Variants in DST observed in about 807,000 individuals in gnomAD.
DST encodes bullous pemphigoid antigen.
DST carries 253 observed loss-of-function variants against 875.2 expected under a neutral mutation model. The observed-to-expected ratio is 0.29, with a 90% CI of 0.26 to 0.32. The LOEUF (loss-of-function observed/expected upper bound fraction) is 0.32, where lower values mean the gene tolerates loss of function less well. Among genes scored for constraint, DST ranks in the 10% least tolerant of loss-of-function variants. The probability of loss-of-function intolerance (pLI) is 1.00; values close to 1 mark genes in which losing one functional copy is unlikely to be tolerated. For missense variants in DST, 8,287 were observed against 9,111.6 expected (o/e 0.91, Z 3.68); for synonymous variants, 3,124 against 3,197.1 (o/e 0.98, Z 0.77).
chr6:56,935,189 C>T (rs1812386310), intron 2 of DST, among the ~76,000 whole-genome samples: 1 of 152,132 alleles, frequency 6.6e-6, no homozygotes, highest in Non-Finnish European at 1.5e-5. Context: ...AATTTTATCT[C>T]CCACCCAGAA....
intron 10 of DST, among the ~76,000 whole-genome samples, chr6:56,659,801 A>G (rs949174435): frequency 1.3e-5 from 2 of 152,180 alleles, no homozygotes; most frequent in African/African-American, 2.4e-5. Flanking sequence ...TTAAAATCCA[A>G]TAAGAAAGAT....
intron 2 of DST, among the ~76,000 whole-genome samples, chr6:56,927,454 G>C (rs537389195): frequency 6.6e-6 from 1 of 152,088 alleles, no homozygotes; most frequent in East Asian, 1.9e-4. Context: ...TTCCCTGAAA[G>C]AGAAAAATTA....
chr6:56,619,266 T>C, intron 36 of DST: 1 of 1,613,138 alleles, frequency 6.2e-7, no homozygotes, highest in East Asian at 2.2e-5. Context: ...ATTCTCTGCA[T>C]CATTAATTTG....
intron 2 of DST, among the ~76,000 whole-genome samples, chr6:56,934,447 C>T (rs1811786089): frequency 6.6e-6 from 1 of 151,006 alleles, no homozygotes; most frequent in South Asian, 2.1e-4. Flanking sequence ...TAAATTCCAG[C>T]ACACTGCCTG....
chr6:56,860,362 G>C (rs1180025797), intron 3 of DST, among the ~76,000 whole-genome samples: 1 of 152,116 alleles, frequency 6.6e-6, no homozygotes, highest in African/African-American at 2.4e-5. Context: ...CTGGAGAAGA[G>C]GGGATAAAAC....
chr6:56,551,313 C>G (rs778827178), intron 61 of DST, among the ~76,000 whole-genome samples: 1 of 152,140 alleles, frequency 6.6e-6, no homozygotes, highest in Non-Finnish European at 1.5e-5. Context: ...TCTTTATGCA[C>G]TAATGGTGCA....
chr6:56,620,547 T>G (rs1207119830), intron 36 of DST: 1 of 1,614,066 alleles, frequency 6.2e-7, no homozygotes, highest in South Asian at 1.1e-5. Flanking sequence ...TCCCTGACCT[T>G]CGGAAGTTCT....
intron 10 of DST, among the ~76,000 whole-genome samples, chr6:56,661,345 T>C (rs763334475): frequency 3.9e-5 from 6 of 152,106 alleles, no homozygotes; most frequent in Non-Finnish European, 7.4e-5. Flanking sequence ...AAAAGAAATC[T>C]TCATGTGAGA....
chr6:56,523,654 A>G (rs2096746082), intron 69 of DST, among the ~76,000 whole-genome samples: 1 of 152,186 alleles, frequency 6.6e-6, no homozygotes, highest in Admixed American at 6.6e-5. Flanking sequence ...AACTGGGAAA[A>G]AATATGAAGT....
intron 55 of DST, among the ~76,000 whole-genome samples, chr6:56,562,730 ACCC>A (rs1047757298): frequency 6.6e-6 from 1 of 150,780 alleles, no homozygotes; most frequent in Non-Finnish European, 1.5e-5. Flanking sequence ...AATGCTATCC[ACCC>A]CCCAGGCCCC....
At chr6:56,653,593 G>A (rs1331234212) in intron 10 of DST, among the ~76,000 whole-genome samples, 1 of 152,130 alleles carries the variant, frequency 6.6e-6, no homozygotes, top group Non-Finnish European at 1.5e-5. Flanking sequence ...GCTGAGGCAG[G>A]AGGATCACTT....
chr6:56,558,809 C>T (rs992651247), intron 58 of DST, among the ~76,000 whole-genome samples: 1 of 152,098 alleles, frequency 6.6e-6, no homozygotes, highest in South Asian at 2.1e-4. Context: ...TCCTTATAAT[C>T]CAAACAGGCT....
At chr6:56,918,312 A>T (rs576684961) in intron 2 of DST, among the ~76,000 whole-genome samples, 2 of 152,092 alleles carry the variant, frequency 1.3e-5, no homozygotes, top group Admixed American at 6.5e-5. Flanking sequence ...TTTTTAGTAG[A>T]GACAGGGTTT....
At chr6:56,603,066 C>T in intron 42 of DST, 35 bp from the exon 43 acceptor site, 1 of 1,548,050 alleles carries the variant, frequency 6.5e-7, no homozygotes, top group Non-Finnish European at 8.7e-7. Context: ...GTTATCTTTC[C>T]CCAAAATGTC....
intron 85 of DST, among the ~76,000 whole-genome samples, chr6:56,491,895 G>T (rs1233980546): frequency 6.6e-6 from 1 of 152,052 alleles, no homozygotes; most frequent in Non-Finnish European, 1.5e-5. Context: ...TGAGAACAGA[G>T]GTCAAAAGGA....
chr6:56,506,185 T>C (rs1423916453), intron 77 of DST, among the ~76,000 whole-genome samples: 1 of 152,204 alleles, frequency 6.6e-6, no homozygotes, highest in Non-Finnish European at 1.5e-5. Context: ...ATCAAAATAT[T>C]TCTTTTCAAA....
Position 56,604,680 on chromosome 6 carries a change from A to C in DST, c.9948T>G (p.Ile3316Met), listed in dbSNP as rs772444307. Reference protein sequence around the residue: ...TLNTDYSFLEINNKKERIEQQ... With the variant: ...TLNTDYSFLEMNNKKERIEQQ... ...GCTCAATTCTTTCTTTCTTATTATT[A>C]ATTTCTAAGAATGAATAGTCAGTAT... The change falls in exon 40 of 104, where the codon ATT (isoleucine) becomes ATG (methionine). Residue 3316 changes from isoleucine to methionine, a missense_variant. Ile to Met is a conservative substitution (Grantham distance 10). Transcript: ENST00000680361. 3 of 1,611,404 alleles carry C rather than the reference A, an allele frequency of 1.9e-6. No individual in the cohort carries two copies. The South Asian group carries it at 3.3e-5, about 18-fold the overall frequency.
chr6:56,472,099 C>G lies in DST; in HGVS notation c.22118G>C (p.Arg7373Thr). 1 of 1,613,956 alleles carries G rather than the reference C, an allele frequency of 6.2e-7. No individual in the cohort carries two copies. Among genetic ancestry groups the G allele is most frequent in the Non-Finnish European group, 8.5e-7 (1 of 1,179,836 alleles). ...CAAGGCATCATTGAGTTTCCTCCTT[C>G]TTTCCAACGCCAGGAGCCAGACTTG... ...WQQVWLLALE[R>T]RRKLNDALDR... Residue 7373 changes from arginine (R) to threonine (T), a missense_variant, in exon 94 of 104, where the codon AGA becomes ACA. Transcript: ENST00000680361.
At chr6:56,684,991 AC>A (rs368494108) in intron 9 of DST, among the ~76,000 whole-genome samples, 1 of 51,262 alleles carries the variant, frequency 2.0e-5, no homozygotes, top group Non-Finnish European at 4.1e-5. Context: ...GCCCCCACCC[AC>A]CCCCCCACCC....
Sources: allele counts gnomAD v4.1 joint callset (sites outside exome capture counted in the v4.1 genomes callset), GRCh38; gene constraint gnomAD v4.1.1; transcripts MANE v1.5; gene names NCBI Gene and HGNC (gene_info 2026-07-23, HGNC 2026-07-21).